NINJ2: variants seen among roughly 807,000 people sequenced by gnomAD.
NINJ2 encodes ninjurin-2.
A neutral mutation model predicts 11.7 loss-of-function variants in NINJ2; 12 were observed. The ratio of observed to expected loss-of-function variants is 1.02; its 90% CI spans 0.66 to 1.66. NINJ2 has a LOEUF of 1.66. NINJ2 is among the 40% of genes most tolerant of loss of function. The probability of loss-of-function intolerance (pLI) is 0.00; values close to 1 mark genes in which losing one functional copy is unlikely to be tolerated. For synonymous variants in NINJ2, 93 were observed against 76.8 expected, an observed-to-expected ratio of 1.21 and a Z score of -1.10; for missense variants, 187 against 181.8, an observed-to-expected ratio of 1.03 and a Z score of -0.16.
chr12:641,484 G>A (rs1948415712), intron 1 of NINJ2, among the ~76,000 whole-genome samples: 3 of 152,186 alleles, frequency 2.0e-5, no homozygotes, highest in Non-Finnish European at 4.4e-5. Flanking sequence ...AAATCAAAAT[G>A]CTTCTCCTGG....
chr12:570,244 G>A (rs760878822), intron 1 of NINJ2, among the ~76,000 whole-genome samples: 16 of 152,232 alleles, frequency 1.1e-4, no homozygotes, highest in Non-Finnish European at 2.1e-4. Flanking sequence ...AGGCCCTGGC[G>A]AAGGTGCCTG....
intron 1 of NINJ2, among the ~76,000 whole-genome samples, chr12:607,865 G>A (rs889105683): frequency 5.9e-5 from 9 of 152,180 alleles, no homozygotes; most frequent in African/African-American, 2.4e-5. Flanking sequence ...AGGAAATCAC[G>A]TCCTCATTCT....
chr12:609,954 A>T (rs534634543), intron 1 of NINJ2, among the ~76,000 whole-genome samples: 30 of 151,442 alleles, frequency 2.0e-4, no homozygotes, highest in African/African-American at 6.3e-4. Context: ...TAAAAAAAAA[A>T]AAAAAAAAAG....
intron 1 of NINJ2, among the ~76,000 whole-genome samples, chr12:654,015 G>A (rs1429808987): frequency 6.6e-6 from 1 of 152,142 alleles, no homozygotes; most frequent in African/African-American, 2.4e-5. Context: ...GGGCAATATA[G>A]TGAGACCCCA....
At position 634,265 on chromosome 12, in the gene NINJ2, C is replaced by CTTTTTTT. The variant is rs67797144; in HGVS notation, c.33+29056_33+29062dup. ...AAATAAATGTTGATTAGTTGCAGTT[C>CTTTTTTT]TTTTTTTTTTTTTTTTTTTTTTTTT... On this transcript the variant is annotated intron_variant, in intron 1 of 3. Coordinates refer to ENST00000305108, the MANE Select transcript of NINJ2 (RefSeq NM_016533.6). Among the ~76,000 whole-genome samples, 54 of 59,528 alleles carry CTTTTTTT rather than the reference C, an allele frequency of 9.1e-4. 9 individuals carry two copies. The highest frequency in any genetic ancestry group is 2.4e-3 in the African/African-American group (44 of 17,968). 39.1% of individuals were successfully genotyped at this position (59,528 alleles called of 152,430 possible).
chr12:615,589 TA>T lies in NINJ2; in HGVS notation c.33+47738del, dbSNP rs202062496. Among the ~76,000 whole-genome samples, 1,232 of 151,264 alleles carry T rather than the reference TA, an allele frequency of 8.1e-3. 20 individuals are homozygous for T. Among genetic ancestry groups the T allele is most frequent in the African/African-American group, 0.029 (1,178 of 41,258 alleles). Reference sequence around the variant, plus strand: ...GGGCGACAAGAGCGAAACTCCATCTTAAAAAAAAAGAAACTCTGCTCACCCT... The same window carrying T: ...GGGCGACAAGAGCGAAACTCCATCTTAAAAAAAAGAAACTCTGCTCACCCT... On this transcript the variant is annotated intron_variant, in intron 1 of 3. Coordinates refer to ENST00000305108, the MANE Select transcript of NINJ2 (RefSeq NM_016533.6).
intron 1 of NINJ2, among the ~76,000 whole-genome samples, chr12:625,765 G>T (rs1948204741): frequency 6.6e-6 from 1 of 152,190 alleles, no homozygotes; most frequent in African/African-American, 2.4e-5. Flanking sequence ...TTGTTTTAAA[G>T]ATTAAATGAG....
At position 564,356 on chromosome 12, in the gene NINJ2, C is replaced by G. The variant is rs1456411921; in HGVS notation, c.*344G>C. On this transcript the variant is annotated 3_prime_UTR_variant, in exon 4 of 4. Coordinates refer to ENST00000305108, the MANE Select transcript of NINJ2 (RefSeq NM_016533.6). Reference sequence around the variant, plus strand: ...TTTTACAAGAAGGGAAAATTGAGGCCTGGAGCAGAAGGAAGCAGTGGGGTA... The same window carrying G: ...TTTTACAAGAAGGGAAAATTGAGGCGTGGAGCAGAAGGAAGCAGTGGGGTA... The G allele has an allele frequency of 6.6e-6, 1 of 152,178 alleles. No individual in the cohort carries two copies. The highest frequency in any genetic ancestry group is 6.5e-5 in the Admixed American group (1 of 15,270). The allele number at this position is 152,178 out of a possible 1,614,324, so 9.4% of individuals were successfully genotyped here. A position where few individuals can be genotyped will look rare whatever the true frequency, so the allele number is the denominator to read the frequency against.
At chr12:649,684 A>G (rs1460954469) in intron 1 of NINJ2, among the ~76,000 whole-genome samples, 2 of 151,900 alleles carry the variant, frequency 1.3e-5, no homozygotes, top group Non-Finnish European at 2.9e-5. Flanking sequence ...GGAAATAAAA[A>G]GTGAAAAGAA....
chr12:593,040 G>A (rs1283223497), intron 1 of NINJ2, among the ~76,000 whole-genome samples: 1 of 151,346 alleles, frequency 6.6e-6, no homozygotes, highest in Non-Finnish European at 1.5e-5. Flanking sequence ...AAAAAAACAG[G>A]GAAAAAAAAT....
intron 1 of NINJ2, among the ~76,000 whole-genome samples, chr12:652,872 G>A (rs374245174): frequency 6.0e-5 from 9 of 150,530 alleles, no homozygotes; most frequent in African/African-American, 2.0e-4. Context: ...GCTTGAACCC[G>A]GGAAGCGAAG....
At chr12:612,676 G>A (rs1948048461) in intron 1 of NINJ2, among the ~76,000 whole-genome samples, 1 of 152,086 alleles carries the variant, frequency 6.6e-6, no homozygotes, top group Non-Finnish European at 1.5e-5. Context: ...GTGGTTCTTG[G>A]GAGAGATCCT....
At chr12:593,656 A>T (rs1278751304) in intron 1 of NINJ2, among the ~76,000 whole-genome samples, 6 of 152,156 alleles carry the variant, frequency 3.9e-5, no homozygotes, top group Non-Finnish European at 1.5e-5. Flanking sequence ...TTGAGGCTGC[A>T]GTGAACCGTG....
chr12:650,994 G>A (rs1001869705), intron 1 of NINJ2, among the ~76,000 whole-genome samples: 5 of 152,200 alleles, frequency 3.3e-5, no homozygotes, highest in Non-Finnish European at 7.3e-5. Flanking sequence ...CTCCTCGGGA[G>A]TTAGTGCCAG....
At chr12:648,977 CCTATCTATCTAT>C (rs71051367) in intron 1 of NINJ2, among the ~76,000 whole-genome samples, 1 of 27,916 alleles carries the variant, frequency 3.6e-5, no homozygotes, top group African/African-American at 8.8e-5. Context: ...AAGTCATCCA[CCTATCTATCTAT>C]CTATCTGTCT....
intron 1 of NINJ2, among the ~76,000 whole-genome samples, chr12:575,006 A>G (rs371085019): frequency 2.3e-4 from 35 of 152,228 alleles, no homozygotes; most frequent in African/African-American, 7.7e-4. Flanking sequence ...AGAGGATTAT[A>G]CTCCCACGTG....
At chr12:622,621 T>A (rs1402322576) in intron 1 of NINJ2, among the ~76,000 whole-genome samples, 1 of 152,002 alleles carries the variant, frequency 6.6e-6, no homozygotes. Flanking sequence ...AGTTAGAATG[T>A]CCTCCAAATT....
intron 1 of NINJ2, among the ~76,000 whole-genome samples, chr12:623,213 C>T (rs1286508786): frequency 6.6e-6 from 1 of 152,136 alleles, no homozygotes. Context: ...GCCAGCACTC[C>T]CTCCTGACAG....
intron 1 of NINJ2, among the ~76,000 whole-genome samples, chr12:612,185 T>C (rs1374909680): frequency 1.3e-5 from 2 of 152,218 alleles, no homozygotes; most frequent in Non-Finnish European, 2.9e-5. Flanking sequence ...GCTACTGTAT[T>C]ATCCCTGGAC....
Sources: allele counts gnomAD v4.1 joint callset (sites outside exome capture counted in the v4.1 genomes callset), GRCh38; gene constraint gnomAD v4.1.1; transcripts MANE v1.5; gene names NCBI Gene and HGNC (gene_info 2026-07-23, HGNC 2026-07-21).